The following WDTC1 variants were observed in gnomAD, a reference collection of about 807,000 sequenced individuals.
WDTC1 encodes the protein WD and tetratricopeptide repeats protein 1.
Under a neutral mutation model 76.0 loss-of-function variants are expected in WDTC1, and 12 were observed. The ratio of observed to expected loss-of-function variants is 0.16; its 90% CI spans 0.10 to 0.26. WDTC1 has a LOEUF of 0.26. Among genes scored for constraint, WDTC1 ranks in the 10% least tolerant of loss-of-function variants. The pLI, the probability that WDTC1 is intolerant of heterozygous loss-of-function variation, is 1.00. For synonymous variants in WDTC1, 326 were observed against 350.8 expected, an observed-to-expected ratio of 0.93 and a Z score of 0.79; for missense variants, 511 against 908.8, an observed-to-expected ratio of 0.56 and a Z score of 5.63.
chr1:27,303,854 G>T lies in WDTC1; in HGVS notation c.1643+59G>T. The T allele has an allele frequency of 6.3e-7, 1 of 1,594,650 alleles. No individual in the cohort carries two copies. The highest frequency in any genetic ancestry group is 8.6e-7 in the Non-Finnish European group (1 of 1,169,488). On this transcript the variant is annotated intron_variant, in intron 14 of 15. Transcript: ENST00000319394. This position sits in a 1 kb window ranked among gnomAD's most constrained non-coding sequence, Gnocchi z 4.8. ...TTGGCAGCGGGAGGTTGAGTGGGGA[G>T]TGTTGGGGCATAATGGTTTCAGAGA...
At chr1:27,252,257 G>A (rs1381702609) in intron 1 of WDTC1, among the ~76,000 whole-genome samples, 1 of 151,994 alleles carries the variant, frequency 6.6e-6, no homozygotes, top group Non-Finnish European at 1.5e-5. Flanking sequence ...TGAGGTGGCA[G>A]GATTGCTTGA....
chr1:27,300,135 G>A lies in WDTC1; in HGVS notation c.1233-1091G>A, dbSNP rs551692597. ...TGAGCTGCTGGTTCCTGGTCTGAGC[G>A]TGGCTGTTCCGAGGACTGGGTGCTC... On this transcript the variant is annotated intron_variant, in intron 12 of 15. Coordinates refer to ENST00000319394, the MANE Select transcript of WDTC1 (RefSeq NM_001276252.2). Among the ~76,000 whole-genome samples, 14 of 152,328 alleles carry A rather than the reference G, an allele frequency of 9.2e-5. 1 individual carries two copies. The highest frequency in any genetic ancestry group is 1.0e-4 in the Non-Finnish European group (7 of 68,028).
chr1:27,250,127 A>G (rs78023745), intron 1 of WDTC1, among the ~76,000 whole-genome samples: 1,926 of 152,224 alleles, frequency 0.013, 23 homozygotes, highest in East Asian at 0.024. Flanking sequence ...GTAGAATTCA[A>G]ATTTAGCTAA....
At position 27,251,655 on chromosome 1, in the gene WDTC1, A is replaced by C. The variant is rs188679036; in HGVS notation, c.-99-9301A>C. ...CCTGGGCAACATAGCAAGACCCTGA[A>C]TTTAGGAAAAAACAATAATTAGCTG... is the stretch of plus-strand genomic sequence containing the variant. On this transcript the variant is annotated intron_variant, in intron 1 of 15. Transcript: ENST00000319394. Among the ~76,000 whole-genome samples, 464 of 152,174 alleles carry C rather than the reference A, an allele frequency of 3.0e-3. 4 individuals are homozygous for C. The highest frequency in any genetic ancestry group is 9.1e-3 in the African/African-American group (378 of 41,522).
At position 27,248,575 on chromosome 1, in the gene WDTC1, A is replaced by G. The variant is rs528620754; in HGVS notation, c.-99-12381A>G. ...TTTGTCAGATGCATAGTTTGCAAGT[A>G]TTTTCTCCCATCCTATAGGTTGTCT... On this transcript the variant is annotated intron_variant, in intron 1 of 15. Transcript: ENST00000319394. Among the ~76,000 whole-genome samples, 3 of 152,212 alleles carry G rather than the reference A, an allele frequency of 2.0e-5. No individual in the cohort carries two copies. The South Asian group carries it at 6.2e-4, about 32-fold the overall frequency.
At chr1:27,262,220 GC>G (rs1213119543) in intron 2 of WDTC1, among the ~76,000 whole-genome samples, 1 of 151,930 alleles carries the variant, frequency 6.6e-6, no homozygotes, top group Non-Finnish European at 1.5e-5. Flanking sequence ...GAGCCACCAT[GC>G]CTGACCTAAA....
At chr1:27,258,529 C>A (rs866252376) in intron 1 of WDTC1, among the ~76,000 whole-genome samples, 257 of 121,998 alleles carry the variant, frequency 2.1e-3, no homozygotes, top group Middle Eastern at 3.9e-3. Context: ...AAGACTCTGC[C>A]AAAAAAAAAA....
intron 1 of WDTC1, among the ~76,000 whole-genome samples, chr1:27,240,429 C>G (rs1164492446): frequency 6.6e-6 from 1 of 152,150 alleles, no homozygotes; most frequent in African/African-American, 2.4e-5. Context: ...TAAAATGAGG[C>G]TTATTGTAGT....
chr1:27,296,389 C>G lies in WDTC1; in HGVS notation c.937C>G (p.His313Asp). ...CACCTTCCTCTTGCCTAGAAAATGC[C>G]ACTCCTCGGGGGGTAAGTTCTCCCT... is the stretch of plus-strand genomic sequence containing the variant. ...PYTFLLPRKC[H>D]SSGEVQNGKM... Residue 313 changes from histidine (H) to aspartate (D), a missense_variant, in exon 10 of 16, where the codon CAC becomes GAC. His to Asp is a moderately conservative substitution (Grantham distance 81, BLOSUM62 -1). Coordinates refer to ENST00000319394, the MANE Select transcript of WDTC1 (RefSeq NM_001276252.2). 6.2e-7 allele frequency: 1 copy of G among 1,614,060 alleles called. No individual in the cohort carries two copies. Among genetic ancestry groups the G allele is most frequent in the Non-Finnish European group, 8.5e-7 (1 of 1,180,022 alleles).
intron 5 of WDTC1, among the ~76,000 whole-genome samples, chr1:27,285,622 CTT>C (rs1267668594): frequency 4.2e-5 from 6 of 144,334 alleles, no homozygotes; most frequent in Middle Eastern, 3.6e-3. Flanking sequence ...TGTTTCTTTT[CTT>C]TTTTTTTTTT....
Position 27,305,005 on chromosome 1 carries a change from G to T in WDTC1, c.1648G>T (p.Ala550Ser). 2 of 1,612,606 alleles carry T rather than the reference G, an allele frequency of 1.2e-6. No individual in the cohort carries two copies. Among genetic ancestry groups the T allele is most frequent in the Non-Finnish European group, 1.7e-6 (2 of 1,179,054 alleles). Residue 550 changes from alanine (A) to serine (S), a missense_variant, in exon 15 of 16, where the codon GCT becomes TCT. By Grantham distance (99) the Ala-to-Ser change is moderately conservative. Coordinates refer to ENST00000319394, the MANE Select transcript of WDTC1 (RefSeq NM_001276252.2). The surrounding 1 kb of genome is among the most constrained non-coding windows in gnomAD (Gnocchi z 4.6). ...TGCCCTTTGCCCCCCCGCCAGCAACGCTCAGTATATCGTCAGTGGCTCTGA... is the reference window on the plus strand; with the variant it reads ...TGCCCTTTGCCCCCCCGCCAGCAACTCTCAGTATATCGTCAGTGGCTCTGA... ...IKEANFFGSN[A>S]QYIVSGSDDG...
intron 6 of WDTC1, among the ~76,000 whole-genome samples, chr1:27,289,041 C>A (rs2013437570): frequency 6.7e-6 from 1 of 148,760 alleles, no homozygotes. Flanking sequence ...GCTGACCCCC[C>A]CACCTCCCTC....
intron 13 of WDTC1, among the ~76,000 whole-genome samples, chr1:27,302,097 A>G (rs2013845113): frequency 6.6e-6 from 1 of 152,244 alleles, no homozygotes; most frequent in African/African-American, 2.4e-5. Context: ...CATAGGAGGC[A>G]GACATGGATC....
At chr1:27,280,820 G>A (rs896437152) in intron 3 of WDTC1, among the ~76,000 whole-genome samples, 1 of 152,206 alleles carries the variant, frequency 6.6e-6, no homozygotes, top group Non-Finnish European at 1.5e-5. Context: ...GTCCTTATGT[G>A]TAGCTACACA....
At chr1:27,249,218 AAGATG>A (rs1410067883) in intron 1 of WDTC1, among the ~76,000 whole-genome samples, 1 of 151,996 alleles carries the variant, frequency 6.6e-6, no homozygotes, top group African/African-American at 2.4e-5. Context: ...GTAGTGAGCC[AAGATG>A]GCACCACTGC....
intron 12 of WDTC1, among the ~76,000 whole-genome samples, chr1:27,300,931 G>A (rs1022774233): frequency 2.6e-5 from 4 of 152,216 alleles, no homozygotes; most frequent in African/African-American, 9.6e-5. Context: ...CAGAGCTGCG[G>A]GTGCCTGGGG....
chr1:27,273,886 ATTAT>A (rs908788152), intron 3 of WDTC1, among the ~76,000 whole-genome samples: 11 of 152,130 alleles, frequency 7.2e-5, no homozygotes, highest in African/African-American at 2.6e-4. Flanking sequence ...AGGGAAAAAG[ATTAT>A]TTAATTTATC....
At chr1:27,288,864 G>A (rs1273518296) in intron 6 of WDTC1, among the ~76,000 whole-genome samples, 2 of 152,124 alleles carry the variant, frequency 1.3e-5, no homozygotes, top group Non-Finnish European at 2.9e-5. Context: ...TGAGCTGTTG[G>A]GTACACCTCC....
intron 6 of WDTC1, among the ~76,000 whole-genome samples, chr1:27,290,450 C>G (rs1400637850): frequency 6.6e-6 from 1 of 152,114 alleles, no homozygotes; most frequent in Non-Finnish European, 1.5e-5. Flanking sequence ...AAAGTAAACT[C>G]TCTTAGAGCA....
Sources: gnomAD v4.1 joint callset for allele counts (sites outside exome capture counted in the v4.1 genomes callset) on GRCh38, gnomAD v4.1.1 for gene constraint, Gnocchi (gnomAD v3.1) non-coding constraint, MANE v1.5 for transcripts, NCBI Gene and HGNC (gene_info 2026-07-23, HGNC 2026-07-21) for gene names.